ZNF827: variants seen among roughly 807,000 people sequenced by gnomAD.
The protein encoded by ZNF827 is zinc finger protein 827.
A neutral mutation model predicts 102.4 loss-of-function variants in ZNF827; 13 were observed. That is an observed-to-expected ratio of 0.13 (90% confidence interval 0.08 to 0.20). ZNF827 has a LOEUF of 0.20. Ranked by LOEUF, ZNF827 falls within the 10% of genes least tolerant of loss-of-function variation. The pLI is 1.00. For synonymous variants in ZNF827, 523 were observed against 536.2 expected (o/e 0.98, Z 0.34); for missense variants, 1,103 against 1,344.4 (o/e 0.82, Z 2.81).
intron 9 of ZNF827, among the ~76,000 whole-genome samples, chr4:145,778,452 T>TA (rs201635229): frequency 7.2e-4 from 109 of 151,904 alleles, no homozygotes; most frequent in African/African-American, 2.4e-3. Context: ...CTTTTTTTTT[T>TA]AAAAAAGTTA....
intron 1 of ZNF827, among the ~76,000 whole-genome samples, chr4:145,913,704 C>T (rs1048063937): frequency 1.3e-5 from 2 of 152,144 alleles, no homozygotes; most frequent in African/African-American, 4.8e-5. Context: ...TAGAATCTGT[C>T]CCCTCAAGCA....
At chr4:145,881,258 C>T (rs1561035008) in intron 4 of ZNF827, among the ~76,000 whole-genome samples, 1 of 152,214 alleles carries the variant, frequency 6.6e-6, no homozygotes, top group Non-Finnish European at 1.5e-5. Context: ...TCCATTTGTT[C>T]ATAAACTGTC....
At chr4:145,899,760 G>T (rs1751266846) in intron 2 of ZNF827, among the ~76,000 whole-genome samples, 1 of 152,170 alleles carries the variant, frequency 6.6e-6, no homozygotes, top group South Asian at 2.1e-4. Flanking sequence ...GTCTTAGACT[G>T]AACAGAGGCA....
chr4:145,760,663 G>C lies in ZNF827; in HGVS notation c.*953C>G. 1 of 636,426 alleles carries C rather than the reference G, an allele frequency of 1.6e-6. No individual in the cohort carries two copies. The highest frequency in any genetic ancestry group is 2.1e-6 in the Non-Finnish European group (1 of 479,470). The allele number at this position is 636,426 out of a possible 1,614,324, so 39.4% of individuals were successfully genotyped here. A position where few individuals can be genotyped will look rare whatever the true frequency, so the allele number is the denominator to read the frequency against. Reference sequence around the variant, plus strand: ...ACAGTACACATGTTCCAGACCCATCGGGGTCTGTAGGTTTTGCAGCAACAT... The same window carrying C: ...ACAGTACACATGTTCCAGACCCATCCGGGTCTGTAGGTTTTGCAGCAACAT... On this transcript the variant is annotated 3_prime_UTR_variant, in exon 15 of 15. Transcript: ENST00000508784.
At position 145,902,760 on chromosome 4, in the gene ZNF827, T is replaced by C. The variant is rs372622941; in HGVS notation, c.499A>G (p.Ser167Gly). 7.4e-6 allele frequency: 12 copies of C among 1,613,958 alleles called. No individual in the cohort carries two copies. The highest frequency in any genetic ancestry group is 9.3e-6 in the Non-Finnish European group (11 of 1,179,990). ...SPPSHHAQQLSVLARKLAEKQ... is the reference protein window; with the variant it reads ...SPPSHHAQQLGVLARKLAEKQ... ...TCGGCCAACTTCCTGGCCAGAACAC[T>C]GAGCTGCTGGGCGTGGTGGGAAGGC... Residue 167 changes from serine (S) to glycine (G), a missense_variant, in exon 2 of 15, where the codon AGT becomes GGT. Coordinates refer to ENST00000508784, the MANE Select transcript of ZNF827 (RefSeq NM_001306215.2). This position sits in a 1 kb window ranked among gnomAD's most constrained non-coding sequence, Gnocchi z 4.3.
chr4:145,923,247 A>G (rs1753200668), intron 1 of ZNF827, among the ~76,000 whole-genome samples: 2 of 152,182 alleles, frequency 1.3e-5, no homozygotes, highest in Non-Finnish European at 2.9e-5. Flanking sequence ...AATTATCTGA[A>G]AAGACTATTA....
At chr4:145,782,338 C>G (rs1738205667) in intron 8 of ZNF827, among the ~76,000 whole-genome samples, 1 of 152,138 alleles carries the variant, frequency 6.6e-6, no homozygotes, top group African/African-American at 2.4e-5. Context: ...AGCAAAGGCC[C>G]GTTCTTTTTT....
chr4:145,802,856 C>T (rs1044944709), intron 8 of ZNF827, among the ~76,000 whole-genome samples: 4 of 152,170 alleles, frequency 2.6e-5, no homozygotes, highest in Non-Finnish European at 5.9e-5. Flanking sequence ...GGCAGGATCA[C>T]TTGAGCCTTG....
chr4:145,925,064 T>C (rs1753330584), intron 1 of ZNF827, among the ~76,000 whole-genome samples: 1 of 152,160 alleles, frequency 6.6e-6, no homozygotes, highest in Admixed American at 6.5e-5. Context: ...AGTCACATCT[T>C]ACATGGCAGC....
At chr4:145,934,575 A>T (rs1228485903) in intron 1 of ZNF827, among the ~76,000 whole-genome samples, 1 of 152,208 alleles carries the variant, frequency 6.6e-6, no homozygotes, top group Non-Finnish European at 1.5e-5. Flanking sequence ...ACTCTGTGCC[A>T]GGGGCTGAGG....
chr4:145,838,893 C>G (rs1745145709), intron 7 of ZNF827, among the ~76,000 whole-genome samples: 1 of 152,096 alleles, frequency 6.6e-6, no homozygotes, highest in Admixed American at 6.5e-5. Flanking sequence ...TGTTTAGTAT[C>G]TTTTACTTTT....
chr4:145,875,791 C>G (rs891060675), intron 4 of ZNF827, among the ~76,000 whole-genome samples: 18 of 152,170 alleles, frequency 1.2e-4, no homozygotes, highest in Non-Finnish European at 2.4e-4. Flanking sequence ...AGGCCAAAGA[C>G]TCTTGAGCCT....
rs908088466 is a variant in ZNF827, at chr4:145,936,177, C to G, written c.43+2188G>C. ...AGGATTCCTGCCTCCTCTCCCTCCC[C>G]CCACACGCCCCCGACAAGAGCCCGG... On this transcript the variant is annotated intron_variant, in intron 1 of 14. Transcript: ENST00000508784. Among the ~76,000 whole-genome samples, 3 of 152,060 alleles carry G rather than the reference C, an allele frequency of 2.0e-5. No homozygotes were observed. In the East Asian group the frequency reaches 5.8e-4, roughly 29 times the overall value.
At position 145,884,698 on chromosome 4, in the gene ZNF827, C is replaced by T. The variant is rs74406011; in HGVS notation, c.1747+980G>A. Among the ~76,000 whole-genome samples, 1,126 of 152,004 alleles carry T rather than the reference C, an allele frequency of 7.4e-3. 13 individuals carry two copies. Among genetic ancestry groups the T allele is most frequent in the African/African-American group, 0.026 (1,064 of 41,424 alleles). The stretch of plus-strand genomic sequence containing the variant: ...ACCTTGATGCCCCTTTTCAACACCA[C>T]GACTTAAATCAAATATGTTGGGAAA... On this transcript the variant is annotated intron_variant, in intron 4 of 14. Transcript: ENST00000508784.
intron 1 of ZNF827, among the ~76,000 whole-genome samples, chr4:145,917,442 G>T (rs927847952): frequency 6.6e-6 from 1 of 151,982 alleles, no homozygotes; most frequent in Non-Finnish European, 1.5e-5. Flanking sequence ...GGCCAAACTG[G>T]TTTTTGTTAA....
chr4:145,880,897 G>A (rs1349862442), intron 4 of ZNF827, among the ~76,000 whole-genome samples: 2 of 152,240 alleles, frequency 1.3e-5, no homozygotes, highest in Admixed American at 6.5e-5. Context: ...ACACAAGGAT[G>A]GCATTTACTT....
intron 2 of ZNF827, among the ~76,000 whole-genome samples, chr4:145,900,377 G>C (rs1366236424): frequency 6.6e-6 from 1 of 151,934 alleles, no homozygotes; most frequent in African/African-American, 2.4e-5. Context: ...TCAATAACTA[G>C]ATATGCAGAA....
chr4:145,883,733 G>C (rs545266739), intron 4 of ZNF827, among the ~76,000 whole-genome samples: 1 of 152,112 alleles, frequency 6.6e-6, no homozygotes, highest in African/African-American at 2.4e-5. Flanking sequence ...ACCCCCACTC[G>C]GATTGCCCCT....
intron 8 of ZNF827, among the ~76,000 whole-genome samples, chr4:145,809,830 C>T (rs1741837727): frequency 6.6e-6 from 1 of 152,120 alleles, no homozygotes; most frequent in Admixed American, 6.5e-5. Context: ...TTCCCTAGCC[C>T]CCTGCCCACC....
Sources: gnomAD v4.1 joint callset for allele counts (sites outside exome capture counted in the v4.1 genomes callset) on GRCh38, gnomAD v4.1.1 for gene constraint, Gnocchi (gnomAD v3.1) non-coding constraint, MANE v1.5 for transcripts, NCBI Gene and HGNC (gene_info 2026-07-23, HGNC 2026-07-21) for gene names.